STON1: variants seen among roughly 807,000 people sequenced by gnomAD.
STON1 encodes stonin-1.
STON1 carries 79 observed loss-of-function variants against 60.9 expected under a neutral mutation model. That is an observed-to-expected ratio of 1.30 (90% CI 1.08 to 1.56). STON1 has a LOEUF of 1.56. Ranked by LOEUF, STON1 falls within the 40% of genes most tolerant of loss-of-function variation. STON1 has a pLI of 0.00. For synonymous variants in STON1, 363 were observed against 306.9 expected (o/e 1.18, Z -1.91); for missense variants, 1,166 against 858.9 (o/e 1.36, Z -4.47).
In STON1 at chr2:48,536,194, A is replaced by G. The variant is rs75837024; in HGVS notation, c.-48+5978A>G. Among the ~76,000 whole-genome samples, 53 of 152,286 alleles carry G rather than the reference A, an allele frequency of 3.5e-4. 1 individual carries two copies. The East Asian group carries it at 0.01, about 29-fold the overall frequency. Reference sequence around the variant, plus strand: ...CCAAGTTCTCTCAGTCTCCTCATCTATGAAATATAAATAATGATAGTATCT... The same window carrying G: ...CCAAGTTCTCTCAGTCTCCTCATCTGTGAAATATAAATAATGATAGTATCT... On this transcript the variant is annotated intron_variant, in intron 1 of 3. Coordinates refer to ENST00000404752, the MANE Select transcript of STON1 (RefSeq NM_006873.4).
chr2:48,594,944 A>G (rs750713757), intron 3 of STON1, among the ~76,000 whole-genome samples: 13 of 152,158 alleles, frequency 8.5e-5, no homozygotes, highest in Admixed American at 3.9e-4. Flanking sequence ...TTTTTTCAGT[A>G]TACATATTCT....
chr2:48,589,151 G>T (rs1033156608), intron 2 of STON1, among the ~76,000 whole-genome samples: 1 of 152,016 alleles, frequency 6.6e-6, no homozygotes, highest in Non-Finnish European at 1.5e-5. Flanking sequence ...CTTCTGCCCT[G>T]TCATCAGCAC....
intron 2 of STON1, among the ~76,000 whole-genome samples, chr2:48,585,506 C>T (rs1176600947): frequency 6.6e-6 from 1 of 152,124 alleles, no homozygotes; most frequent in Non-Finnish European, 1.5e-5. Flanking sequence ...GCCTCGGCCT[C>T]CCAAAGTGCT....
intron 1 of STON1, among the ~76,000 whole-genome samples, chr2:48,552,893 C>G (rs1019458304): frequency 2.0e-5 from 3 of 152,128 alleles, no homozygotes; most frequent in Non-Finnish European, 4.4e-5. Context: ...TTAATATTTT[C>G]TCTTCTGGTT....
At chr2:48,587,182 C>T (rs548373375) in intron 2 of STON1, among the ~76,000 whole-genome samples, 6 of 152,330 alleles carry the variant, frequency 3.9e-5, no homozygotes, top group South Asian at 2.1e-4. Context: ...CTCATGCAGC[C>T]GGGGTTGAGA....
At chr2:48,551,918 G>A (rs941220112) in intron 1 of STON1, among the ~76,000 whole-genome samples, 16 of 152,314 alleles carry the variant, frequency 1.1e-4, no homozygotes, top group South Asian at 4.1e-4. Context: ...GCTCCAACCC[G>A]GATTCCTGGT....
In STON1 at chr2:48,595,298, A is replaced by G. The variant is rs762974180; in HGVS notation, c.2204A>G (p.Gln735Arg). 1.2e-5 allele frequency: 20 copies of G among 1,613,236 alleles called. No homozygotes were observed. Among genetic ancestry groups the G allele is most frequent in the African/African-American group, 2.7e-5 (2 of 74,906 alleles). Residue 735 changes from glutamine (Q) to arginine (R), a missense_variant, in exon 4 of 4, where the codon CAG (glutamine) becomes CGG (arginine). Transcript: ENST00000404752. ...GATAAAATTGGTGACTGCATAACTCAGTAGGAGTAGCAAGAGTTTATGATG... is the reference window on the plus strand; with the variant it reads ...GATAAAATTGGTGACTGCATAACTCGGTAGGAGTAGCAAGAGTTTATGATG... The part of the protein sequence containing the change: ...DPDKIGDCIT[Q>R]
intron 1 of STON1, among the ~76,000 whole-genome samples, chr2:48,534,362 A>G (rs1235558865): frequency 6.6e-6 from 1 of 152,168 alleles, no homozygotes; most frequent in Admixed American, 6.6e-5. Context: ...TAACTCATCC[A>G]TGGTCACACA....
In STON1 at chr2:48,591,799, G is replaced by A; in HGVS notation, c.2077G>A (p.Glu693Lys). Reference sequence around the variant, plus strand: ...GACAGAGGTCAGGTCTCTGGGAGTGGAGAGTGATGTCCAGCCACAGAAACA... The same window carrying A: ...GACAGAGGTCAGGTCTCTGGGAGTGAAGAGTGATGTCCAGCCACAGAAACA... ...SRTEVRSLGV[E>K]SDVQPQKHVQ... Residue 693 changes from glutamate (E) to lysine (K), a missense_variant, in exon 3 of 4, where the codon GAG becomes AAG. Transcript: ENST00000404752. 1 of 1,614,178 alleles carries A rather than the reference G, an allele frequency of 6.2e-7. No individual in the cohort carries two copies. Among genetic ancestry groups the A allele is most frequent in the Admixed American group, 1.7e-5 (1 of 60,008 alleles).
chr2:48,577,843 T>C (rs1673607097), intron 1 of STON1, among the ~76,000 whole-genome samples: 1 of 151,878 alleles, frequency 6.6e-6, no homozygotes, highest in Non-Finnish European at 1.5e-5. Flanking sequence ...CTCCAACTCC[T>C]GACCTCAGGT....
At chr2:48,564,336 G>C (rs1366913048) in intron 1 of STON1, among the ~76,000 whole-genome samples, 2 of 152,000 alleles carry the variant, frequency 1.3e-5, no homozygotes, top group African/African-American at 2.4e-5. Context: ...GTTGCAGATG[G>C]CTGATTTCTC....
chr2:48,537,849 CAA>C (rs553635752), intron 1 of STON1, among the ~76,000 whole-genome samples: 4 of 74,354 alleles, frequency 5.4e-5, no homozygotes, highest in Non-Finnish European at 2.8e-5. Flanking sequence ...GACTTCATCT[CAA>C]AAAAAAAAAA....
chr2:48,565,541 A>T (rs1359343700), intron 1 of STON1, among the ~76,000 whole-genome samples: 1 of 152,198 alleles, frequency 6.6e-6, no homozygotes, highest in Non-Finnish European at 1.5e-5. Flanking sequence ...GGGCACAGGG[A>T]TCTAAGACAG....
chr2:48,533,209 C>G (rs912839535), intron 1 of STON1, among the ~76,000 whole-genome samples: 1 of 151,974 alleles, frequency 6.6e-6, no homozygotes, highest in Non-Finnish European at 1.5e-5. Context: ...TAGTGAAACC[C>G]CGTCTCTACT....
intron 3 of STON1, among the ~76,000 whole-genome samples, chr2:48,592,122 T>C (rs1674555552): frequency 1.3e-5 from 2 of 152,166 alleles, no homozygotes; most frequent in Non-Finnish European, 2.9e-5. Flanking sequence ...AGCATATTTA[T>C]AATAAAAATT....
chr2:48,576,271 C>G (rs565983357), intron 1 of STON1, among the ~76,000 whole-genome samples: 79 of 141,196 alleles, frequency 5.6e-4, no homozygotes, highest in African/African-American at 2.0e-3. Flanking sequence ...CTCACTGCAA[C>G]CTCTGCCTCT....
chr2:48,575,496 A>C (rs377544616), intron 1 of STON1, among the ~76,000 whole-genome samples: 1 of 151,852 alleles, frequency 6.6e-6, no homozygotes, highest in South Asian at 2.1e-4. Context: ...TCTACTAAAA[A>C]TACAAAATTA....
intron 1 of STON1, among the ~76,000 whole-genome samples, chr2:48,551,197 A>T (rs1189750679): frequency 1.3e-5 from 2 of 152,088 alleles, no homozygotes; most frequent in African/African-American, 4.8e-5. Context: ...CACCCTAGTT[A>T]TGTGGCCAAG....
intron 1 of STON1, among the ~76,000 whole-genome samples, chr2:48,578,581 CTTTTTTTTTT>C (rs59933765): frequency 1.1e-4 from 5 of 46,154 alleles, no homozygotes; most frequent in African/African-American, 3.7e-4. Flanking sequence ...CTCCTCCTTC[CTTTTTTTTTT>C]TTTTTTTTTT....
Sources: gnomAD v4.1 joint callset for allele counts (sites outside exome capture counted in the v4.1 genomes callset) on GRCh38, gnomAD v4.1.1 for gene constraint, MANE v1.5 for transcripts, NCBI Gene and HGNC (gene_info 2026-07-23, HGNC 2026-07-21) for gene names.